Variants in TRMT11 observed in about 807,000 individuals in gnomAD.
TRMT11 encodes tRNA methyltransferase 11.
TRMT11 carries 53 observed loss-of-function variants against 62.8 expected under a neutral mutation model. That is an observed-to-expected ratio of 0.84 (90% CI 0.68 to 1.06). TRMT11 has a LOEUF of 1.06. TRMT11 is among the 50% of genes least tolerant of loss of function. The probability of loss-of-function intolerance (pLI) is 0.00; values close to 1 mark genes in which losing one functional copy is unlikely to be tolerated. For synonymous variants in TRMT11, 188 were observed against 190.3 expected, an observed-to-expected ratio of 0.99 and a Z score of 0.10; for missense variants, 556 against 553.4, an observed-to-expected ratio of 1.00 and a Z score of -0.05.
intron 21 of TRMT11, among the ~76,000 whole-genome samples, chr6:126,131,751 G>C (rs1777785988): frequency 6.6e-6 from 1 of 151,672 alleles, no homozygotes; most frequent in African/African-American, 2.4e-5. Context: ...AATTAATTCA[G>C]ATCACAATGC....
Position 125,986,562 on chromosome 6 carries a change from G to T in TRMT11, c.12G>T (p.Ser4=), listed in dbSNP as rs777083837. 5 of 1,590,756 alleles carry T rather than the reference G, an allele frequency of 3.1e-6. No homozygotes were observed. In the African/African-American group the frequency reaches 5.4e-5, roughly 17 times the overall value. The part of the protein sequence containing the change: MAL[S]CTLNRYLLLM... The stretch of plus-strand genomic sequence containing the variant: ...GGTGGGCAGCTGCAATGGCGCTGTC[G>T]TGTACCCTTAACAGGTATCTGCTCC... Residue 4 remains serine, a synonymous_variant, in exon 1 of 13, where the codon TCG becomes TCT. Coordinates refer to ENST00000334379, the MANE Select transcript of TRMT11 (RefSeq NM_001031712.3).
intron 21 of TRMT11, among the ~76,000 whole-genome samples, chr6:126,151,850 C>CTTTG (rs1229338602): frequency 7.7e-6 from 1 of 129,406 alleles, no homozygotes; most frequent in African/African-American, 3.0e-5. Context: ...TTCTTTCTTT[C>CTTTG]TTTCTTTCTT....
chr6:126,103,594 G>A (rs533145689), intron 17 of TRMT11, among the ~76,000 whole-genome samples: 5 of 152,188 alleles, frequency 3.3e-5, no homozygotes, highest in Non-Finnish European at 7.3e-5. Context: ...TTAGGTTGTT[G>A]GCAAAAGTCA....
chr6:126,137,282 T>G (rs905017162), intron 21 of TRMT11, among the ~76,000 whole-genome samples: 2 of 151,566 alleles, frequency 1.3e-5, no homozygotes, highest in Non-Finnish European at 3.0e-5. Context: ...CTCAAACAAC[T>G]TATTAACAAA....
intron 7 of TRMT11, among the ~76,000 whole-genome samples, chr6:126,006,665 A>G (rs1793403090): frequency 6.6e-6 from 1 of 151,864 alleles, no homozygotes; most frequent in Non-Finnish European, 1.5e-5. Context: ...AGGTATAGCT[A>G]AATGTAAAAA....
chr6:126,076,476 G>T (rs1777027882), intron 17 of TRMT11, among the ~76,000 whole-genome samples: 2 of 152,208 alleles, frequency 1.3e-5, no homozygotes, highest in South Asian at 4.1e-4. Context: ...AGCACTGCCA[G>T]TTCCTATCTT....
chr6:126,216,051 T>C, the TRMT11 span, among the ~76,000 whole-genome samples: 1 of 152,166 alleles, frequency 6.6e-6, no homozygotes, highest in Non-Finnish European at 1.5e-5. Context: ...TCTGTATTTT[T>C]CTGTGTACTT....
intron 11 of TRMT11, among the ~76,000 whole-genome samples, chr6:126,015,537 A>AC (rs1428019445): frequency 6.6e-6 from 1 of 152,030 alleles, no homozygotes; most frequent in East Asian, 1.9e-4. Flanking sequence ...TCTTTTTGAA[A>AC]CCATTTGAGA....
chr6:126,000,269 C>T (rs941099322), intron 7 of TRMT11, among the ~76,000 whole-genome samples: 3 of 152,066 alleles, frequency 2.0e-5, no homozygotes, highest in Non-Finnish European at 2.9e-5. Flanking sequence ...CTGGATCTTG[C>T]CCATACCCAG....
In TRMT11 at chr6:126,012,843, G is replaced by C; in HGVS notation, c.998G>C (p.Trp333Ser). The change falls in exon 10 of 13, where the codon TGG (tryptophan) becomes TCG (serine). Residue 333 changes from tryptophan to serine, a missense_variant. Physicochemically the swap from Trp to Ser is radical, Grantham distance 177. Transcript: ENST00000334379. ...GAGATACCAAAGGGGATAGAAAAAT[G>C]GGAAAAATGGTAAGTGAAATTTAAA... ...QKEIPKGIEK[W>S]EKCPESHVPV... is the part of the protein sequence containing the mutation. The C allele has an allele frequency of 6.2e-7, 1 of 1,613,404 alleles. No individual in the cohort carries two copies. The highest frequency in any genetic ancestry group is 8.5e-7 in the Non-Finnish European group (1 of 1,179,434).
At chr6:126,124,290 A>C (rs1227987502) in intron 21 of TRMT11, among the ~76,000 whole-genome samples, 1 of 152,086 alleles carries the variant, frequency 6.6e-6, no homozygotes, top group South Asian at 2.1e-4. Flanking sequence ...ATTTTATTCT[A>C]TCTGGCTGGT....
intron 17 of TRMT11, among the ~76,000 whole-genome samples, chr6:126,111,537 A>C (rs970041900): frequency 6.6e-6 from 1 of 152,114 alleles, no homozygotes; most frequent in African/African-American, 2.4e-5. Flanking sequence ...CTTTCCCAGC[A>C]CCAGATCACC....
chr6:126,200,011 G>T (rs1163230899), intron 3 of TRMT11: 1 of 152,150 alleles, frequency 6.6e-6, no homozygotes, highest in East Asian at 1.9e-4. Context: ...ACAATATAGG[G>T]TGTCCAGAGA....
chr6:126,204,016 C>T (rs111317949), downstream of TRMT11, among the ~76,000 whole-genome samples: 4,720 of 151,450 alleles, frequency 0.031, 214 homozygotes, highest in African/African-American at 0.11. Context: ...TTAAGAACAA[C>T]CAACTAACCA....
the TRMT11 span, among the ~76,000 whole-genome samples, chr6:126,244,848 T>C: frequency 1.3e-5 from 2 of 152,184 alleles, no homozygotes; most frequent in Non-Finnish European, 2.9e-5. Flanking sequence ...ATTGCCTGGG[T>C]TTAAGTCCCA....
chr6:126,057,640 G>A (rs1776409694), intron 17 of TRMT11, among the ~76,000 whole-genome samples: 2 of 152,220 alleles, frequency 1.3e-5, no homozygotes, highest in African/African-American at 2.4e-5. Flanking sequence ...TTTGTAATAT[G>A]TTTGGCAACC....
the TRMT11 span, among the ~76,000 whole-genome samples, chr6:126,230,163 G>T: frequency 1.1e-4 from 17 of 152,300 alleles, no homozygotes; most frequent in Non-Finnish European, 7.3e-5. Context: ...GGATGGTCCA[G>T]TGGCCACAGG....
At chr6:125,990,972 C>T (rs1423947696) in intron 1 of TRMT11, among the ~76,000 whole-genome samples, 6 of 151,886 alleles carry the variant, frequency 4.0e-5, no homozygotes, top group East Asian at 1.9e-4. Context: ...GGGGTCCGGG[C>T]GCAGTGGCTC....
chr6:126,138,211 A>G lies in TRMT11; in HGVS notation c.*1823+22356A>G, dbSNP rs1291400053. ...ATATGTTGTATATGTATATTAAAAT[A>G]CCATGTTCACAAAAATGTGTACAAC... On this transcript the variant is annotated intron_variant and NMD_transcript_variant, in intron 21 of 22. Transcript: ENST00000648977. Among the ~76,000 whole-genome samples the G allele has an allele frequency of 3.3e-5, 5 of 151,990 alleles. No homozygotes were observed. In the East Asian group the frequency reaches 9.6e-4, roughly 29 times the overall value.
Sources: gnomAD v4.1 joint callset for allele counts (sites outside exome capture counted in the v4.1 genomes callset) on GRCh38, gnomAD v4.1.1 for gene constraint, MANE v1.5 for transcripts, NCBI Gene and HGNC (gene_info 2026-07-23, HGNC 2026-07-21) for gene names.